The following WRN variants were observed in gnomAD, a reference collection of about 807,000 sequenced individuals.
The protein encoded by WRN is bifunctional 3'-5' exonuclease/ATP-dependent helicase WRN.
WRN carries 149 observed loss-of-function variants against 180.7 expected under a neutral mutation model. The ratio of observed to expected loss-of-function variants is 0.82; its 90% CI spans 0.72 to 0.94. The LOEUF (loss-of-function observed/expected upper bound fraction) is 0.94, where lower values mean the gene tolerates loss of function less well. WRN is among the 40% of genes least tolerant of loss of function. WRN has a pLI of 0.00. For synonymous variants in WRN, 548 were observed against 568.9 expected, an observed-to-expected ratio of 0.96 and a Z score of 0.52; for missense variants, 1,661 against 1,700.1, an observed-to-expected ratio of 0.98 and a Z score of 0.40.
At chr8:31,125,533 T>TGG (rs1801885841) in intron 23 of WRN, among the ~76,000 whole-genome samples, 1 of 94,406 alleles carries the variant, frequency 1.1e-5, no homozygotes, top group African/African-American at 4.0e-5. Flanking sequence ...ATTGATATTA[T>TGG]GGAGATATAT....
intron 32 of WRN, among the ~76,000 whole-genome samples, chr8:31,155,581 C>T (rs1803352051): frequency 6.9e-6 from 1 of 144,326 alleles, no homozygotes; most frequent in Non-Finnish European, 1.5e-5. Flanking sequence ...GAGATTGCGA[C>T]ACTGCATTCC....
chr8:31,150,282 A>T (rs886957747), intron 30 of WRN, 59 bp from the exon 31 acceptor site: 25 of 1,347,026 alleles, frequency 1.9e-5, no homozygotes, highest in Non-Finnish European at 2.7e-5. Flanking sequence ...TGCTGGAGTG[A>T]TACTGTTTCA....
intron 30 of WRN, 144 bp downstream of exon 30, chr8:31,147,620 C>A: frequency 1.3e-6 from 1 of 751,372 alleles, no homozygotes; most frequent in Non-Finnish European, 2.3e-6. Flanking sequence ...ATGCTTATCT[C>A]TTTGCCAAGC....
chr8:31,167,317 G>C (rs745529838), intron 34 of WRN, 87 bp downstream of exon 34: 28 of 1,134,182 alleles, frequency 2.5e-5, no homozygotes, highest in Non-Finnish European at 3.6e-5. Context: ...TTTTTGAACT[G>C]TTATGAATTC....
chr8:31,054,917 G>T (rs776798074), intron 1 of WRN, among the ~76,000 whole-genome samples: 42 of 152,094 alleles, frequency 2.8e-4, no homozygotes, highest in African/African-American at 9.9e-4. Context: ...AGTGTGTGTT[G>T]TTCCCCATGT....
chr8:31,090,889 C>T lies in WRN; in HGVS notation c.1776C>T (p.Gly592=), dbSNP rs773549958. Residue 592 remains glycine (G), a synonymous_variant, in exon 15 of 35, where the codon GGC becomes GGT. Transcript: ENST00000298139. Reference sequence around the variant, plus strand: ...CACCTGTTTATGTAGGCAAGATTGGCCTTGTTATCTCTCCCCTTATTTCTC... The same window carrying T: ...CACCTGTTTATGTAGGCAAGATTGGTCTTGTTATCTCTCCCCTTATTTCTC... ...QYPPVYVGKI[G]LVISPLISLM... is the part of the protein sequence containing the mutation. The T allele has an allele frequency of 1.2e-6, 2 of 1,612,710 alleles. No homozygotes were observed. The highest frequency in any genetic ancestry group is 2.7e-5 in the African/African-American group (2 of 74,778).
At chr8:31,120,803 C>T (rs1166641992) in intron 21 of WRN, among the ~76,000 whole-genome samples, 2 of 151,990 alleles carry the variant, frequency 1.3e-5, no homozygotes, top group African/African-American at 2.4e-5. Flanking sequence ...ATAGTTACTT[C>T]AACTACCACT....
chr8:31,034,179 A>C (rs11574161), intron 1 of WRN, among the ~76,000 whole-genome samples: 3 of 152,144 alleles, frequency 2.0e-5, no homozygotes, highest in Non-Finnish European at 4.4e-5. Context: ...TCCGCCATTC[A>C]GAAAGTGTTT....
chr8:31,130,010 A>C (rs1802086370), intron 23 of WRN, among the ~76,000 whole-genome samples: 1 of 118,490 alleles, frequency 8.4e-6, no homozygotes. Context: ...GTCTCAAAAA[A>C]AAAACAAAAC....
In WRN at chr8:31,175,094, T is replaced by C. The variant is rs951689736; in HGVS notation, c.*1992T>C. On this transcript the variant is annotated 3_prime_UTR_variant, in exon 35 of 35. Coordinates refer to ENST00000298139, the MANE Select transcript of WRN (RefSeq NM_000553.6). Reference sequence around the variant, plus strand: ...TTTTTCTGTGTTTCGAAGATCCGTATAACTCAGTGAATCAGTATGTTCTGG... The same window carrying C: ...TTTTTCTGTGTTTCGAAGATCCGTACAACTCAGTGAATCAGTATGTTCTGG... 2.6e-5 allele frequency among the ~76,000 whole-genome samples: 4 copies of C among 152,058 alleles called. No individual in the cohort carries two copies. Among genetic ancestry groups the C allele is most frequent in the African/African-American group, 9.7e-5 (4 of 41,396 alleles).
intron 24 of WRN, among the ~76,000 whole-genome samples, chr8:31,135,726 G>A (rs1488491036): frequency 1.3e-5 from 2 of 152,162 alleles, no homozygotes; most frequent in African/African-American, 4.8e-5. Context: ...TGGTGGAGAA[G>A]AATGGCATTC....
chr8:31,073,032 G>C (rs935359718), intron 7 of WRN, among the ~76,000 whole-genome samples: 11 of 152,290 alleles, frequency 7.2e-5, no homozygotes, highest in Admixed American at 7.2e-4. Flanking sequence ...GTAGGGCCTC[G>C]TAGGCTGTGA....
chr8:31,048,620 GTAATA>G (rs1811962765), intron 1 of WRN, among the ~76,000 whole-genome samples: 1 of 152,122 alleles, frequency 6.6e-6, no homozygotes, highest in Non-Finnish European at 1.5e-5. Context: ...CAGAAAATAT[GTAATA>G]TAATAAAAGA....
chr8:31,162,478 C>T (rs1325730104), intron 33 of WRN, among the ~76,000 whole-genome samples: 1 of 152,066 alleles, frequency 6.6e-6, no homozygotes, highest in East Asian at 1.9e-4. Flanking sequence ...CTGGACACCT[C>T]CAGAAGGGCC....
intron 31 of WRN, among the ~76,000 whole-genome samples, 188 bp downstream of exon 31, chr8:31,150,643 A>G (rs1486640039): frequency 6.6e-6 from 1 of 152,206 alleles, no homozygotes; most frequent in African/African-American, 2.4e-5. Context: ...ACTTTTAAAG[A>G]TGATACTAAA....
chr8:31,111,741 G>A lies in WRN; in HGVS notation c.2215G>A (p.Val739Ile), dbSNP rs773337566. 12 of 1,613,928 alleles carry A rather than the reference G, an allele frequency of 7.4e-6. No individual in the cohort carries two copies. The highest frequency in any genetic ancestry group is 8.5e-6 in the Non-Finnish European group (10 of 1,179,958). Residue 739 changes from valine (V) to isoleucine (I), a missense_variant, in exon 19 of 35, where the codon GTT (valine) becomes ATT (isoleucine). Physicochemically the swap from Val to Ile is conservative, Grantham distance 29. This residue lies in a region of WRN where 1,141 missense variants were observed against 1,149.4 expected (regional missense o/e 0.99). Coordinates refer to ENST00000298139, the MANE Select transcript of WRN (RefSeq NM_000553.6). ...TGATCGACCAAACCTGTATTTAGAA[G>A]TTAGGCGAAAAACAGGGAATATCCT... ...GFDRPNLYLE[V>I]RRKTGNILQD... is the part of the protein sequence containing the mutation.
At chr8:31,165,994 T>C (rs1803843627) in intron 33 of WRN, among the ~76,000 whole-genome samples, 1 of 152,198 alleles carries the variant, frequency 6.6e-6, no homozygotes, top group Non-Finnish European at 1.5e-5. Context: ...GTTAACCCAC[T>C]TACCTAGTTT....
chr8:31,080,878 T>TA lies in WRN; in HGVS notation c.852dup (p.Leu285ThrfsTer20), dbSNP rs1563338535. On this transcript the variant is annotated frameshift_variant, in exon 9 of 35. Coordinates refer to ENST00000298139, the MANE Select transcript of WRN (RefSeq NM_000553.6). LOFTEE classifies it high-confidence loss of function. ...AATTTTTTTTTTAGGGTTTCTATCT[T>TA]ACTAAAGGATATTTCAGAAAATCTA... 1 of 1,606,262 alleles carries TA rather than the reference T, an allele frequency of 6.2e-7. No homozygotes were observed. The highest frequency in any genetic ancestry group is 1.1e-5 in the South Asian group (1 of 88,966).
chr8:31,096,693 A>G lies in WRN; in HGVS notation c.1899-75A>G, dbSNP rs1813989882. ...TTTTAAGTTGTAATTCCTTGAGATGATTGTTTTCTTTATTGTTAATATGTT... is the reference window on the plus strand; with the variant it reads ...TTTTAAGTTGTAATTCCTTGAGATGGTTGTTTTCTTTATTGTTAATATGTT... On this transcript the variant is annotated intron_variant, in intron 16 of 34. Coordinates refer to ENST00000298139, the MANE Select transcript of WRN (RefSeq NM_000553.6). 3.4e-6 allele frequency: 4 copies of G among 1,189,548 alleles called. No homozygotes were observed. The South Asian group carries it at 5.5e-5, about 16-fold the overall frequency. 73.7% of individuals were successfully genotyped at this position (1,189,548 alleles called of 1,614,324 possible).
Sources: allele counts gnomAD v4.1 joint callset (sites outside exome capture counted in the v4.1 genomes callset), GRCh38; gene constraint gnomAD v4.1.1; regional missense constraint gnomAD v4.1.1; transcripts MANE v1.5; gene names NCBI Gene and HGNC (gene_info 2026-07-23, HGNC 2026-07-21).